ST6GALNAC3: variants seen among roughly 807,000 people sequenced by gnomAD.
ST6GALNAC3 encodes the protein ST6 N-acetylgalactosaminide alpha-2,6-sialyltransferase 3.
Under a neutral mutation model 32.7 loss-of-function variants are expected in ST6GALNAC3, and 25 were observed. The observed-to-expected ratio is 0.76, with a 90% CI of 0.56 to 1.07. The LOEUF (loss-of-function observed/expected upper bound fraction) is 1.07, where lower values mean the gene tolerates loss of function less well. ST6GALNAC3 is among the 50% of genes least tolerant of loss of function. The pLI, the probability that ST6GALNAC3 is intolerant of heterozygous loss-of-function variation, is 0.00. For synonymous variants in ST6GALNAC3, 129 were observed against 133.1 expected (o/e 0.97, Z 0.21); for missense variants, 355 against 382.4 (o/e 0.93, Z 0.60).
At chr1:76,430,810 T>G (rs1378562164) in intron 3 of ST6GALNAC3, among the ~76,000 whole-genome samples, 1 of 152,126 alleles carries the variant, frequency 6.6e-6, no homozygotes, top group African/African-American at 2.4e-5. Flanking sequence ...TAACAAATAT[T>G]TTTTTATGAG....
At chr1:76,578,988 A>G (rs146492161) in intron 3 of ST6GALNAC3, among the ~76,000 whole-genome samples, 10 of 152,116 alleles carry the variant, frequency 6.6e-5, no homozygotes, top group Non-Finnish European at 1.3e-4. Context: ...TTCTATTTTC[A>G]TTCTGTCGTG....
At chr1:76,190,411 T>C (rs914242792) in intron 1 of ST6GALNAC3, among the ~76,000 whole-genome samples, 4 of 152,218 alleles carry the variant, frequency 2.6e-5, no homozygotes, top group African/African-American at 4.8e-5. Flanking sequence ...TACGCCCAGA[T>C]GCTGGAAGGA....
intron 1 of ST6GALNAC3, among the ~76,000 whole-genome samples, chr1:76,287,171 G>C (rs571167427): frequency 2.0e-5 from 3 of 152,270 alleles, no homozygotes; most frequent in Non-Finnish European, 4.4e-5. Context: ...TCTTGAAGAG[G>C]AACTGTGTTC....
intron 3 of ST6GALNAC3, among the ~76,000 whole-genome samples, chr1:76,543,953 G>A (rs2100307770): frequency 6.6e-6 from 1 of 152,006 alleles, no homozygotes; most frequent in African/African-American, 2.4e-5. Context: ...TATTTATTGA[G>A]CACATACTAT....
At chr1:76,218,630 T>C (rs539508042) in intron 1 of ST6GALNAC3, among the ~76,000 whole-genome samples, 52 of 152,332 alleles carry the variant, frequency 3.4e-4, no homozygotes, top group African/African-American at 1.2e-3. Context: ...TATATCAACA[T>C]TTATCTGCTT....
Position 76,322,473 on chromosome 1 carries a change from T to G in ST6GALNAC3, c.213+8474T>G, listed in dbSNP as rs570170671. The stretch of plus-strand genomic sequence containing the variant: ...AATACCACCTAGAAGGTGTTTGCAT[T>G]GCAGCCTGTAATGATGATGGCTGAG... On this transcript the variant is annotated intron_variant, in intron 2 of 4. Transcript: ENST00000328299. 3.3e-5 allele frequency among the ~76,000 whole-genome samples: 5 copies of G among 152,298 alleles called. 1 individual carries two copies. In the South Asian group the frequency reaches 8.3e-4, roughly 25 times the overall value.
intron 3 of ST6GALNAC3, among the ~76,000 whole-genome samples, chr1:76,520,236 G>A (rs1662428833): frequency 6.6e-6 from 1 of 152,042 alleles, no homozygotes; most frequent in Non-Finnish European, 1.5e-5. Flanking sequence ...ACAGGTACTA[G>A]TAACAGGAGC....
intron 3 of ST6GALNAC3, among the ~76,000 whole-genome samples, chr1:76,556,150 T>G (rs1664910266): frequency 6.6e-6 from 1 of 152,114 alleles, no homozygotes; most frequent in Admixed American, 6.6e-5. Context: ...GTGTCCAGCT[T>G]CTTTCATTAA....
Position 76,197,100 on chromosome 1 carries a change from A to G in ST6GALNAC3, c.19-116705A>G, listed in dbSNP as rs1654248623. Among the ~76,000 whole-genome samples the G allele has an allele frequency of 2.0e-5, 3 of 152,334 alleles. No homozygotes were observed. The South Asian group carries it at 6.2e-4, about 32-fold the overall frequency. On this transcript the variant is annotated intron_variant, in intron 1 of 4. Coordinates refer to ENST00000328299, the MANE Select transcript of ST6GALNAC3 (RefSeq NM_152996.4). ...ATTTGCCAACAGTTTTACTCACCTG[A>G]ACAATTTTCACTGGCTCTAAGCTCC...
intron 3 of ST6GALNAC3, among the ~76,000 whole-genome samples, chr1:76,416,920 C>G (rs952673288): frequency 1.3e-5 from 2 of 151,970 alleles, no homozygotes; most frequent in South Asian, 4.1e-4. Context: ...GCCACCACGC[C>G]CGGCCAGCAT....
At chr1:76,408,537 A>G (rs549364860) in intron 2 of ST6GALNAC3, among the ~76,000 whole-genome samples, 11 of 152,114 alleles carry the variant, frequency 7.2e-5, no homozygotes, top group African/African-American at 2.6e-4. Context: ...CTGACCTCAT[A>G]ATCTGCACAG....
chr1:76,356,425 C>G lies in ST6GALNAC3; in HGVS notation c.213+42426C>G, dbSNP rs1020765136. On this transcript the variant is annotated intron_variant, in intron 2 of 4. Transcript: ENST00000328299. ...TAGACTCTGGTGATATAGCAATGAA[C>G]AGTAGGGTTAAAAAAAAAAAAAAAA... Among the ~76,000 whole-genome samples the G allele has an allele frequency of 1.7e-3, 144 of 85,550 alleles. 1 individual carries two copies. Among genetic ancestry groups the G allele is most frequent in the Non-Finnish European group, 1.9e-3 (92 of 47,212 alleles). 56.1% of individuals were successfully genotyped at this position (85,550 alleles called of 152,430 possible). A position where few individuals can be genotyped will look rare whatever the true frequency, so the allele number is the denominator to read the frequency against.
In ST6GALNAC3 at chr1:76,586,613, A is replaced by G. The variant is rs557838553; in HGVS notation, c.624-40839A>G. Among the ~76,000 whole-genome samples, 9 of 152,276 alleles carry G rather than the reference A, an allele frequency of 5.9e-5. No individual in the cohort carries two copies. The East Asian group carries it at 1.7e-3, about 29-fold the overall frequency. On this transcript the variant is annotated intron_variant, in intron 3 of 4. Coordinates refer to ENST00000328299, the MANE Select transcript of ST6GALNAC3 (RefSeq NM_152996.4). ...ATTTTAAACTCAGGTTAAAGTAAGG[A>G]TTTTAGATTTATGTAAGCCTGGTGC...
intron 3 of ST6GALNAC3, among the ~76,000 whole-genome samples, chr1:76,475,337 A>T (rs1659283273): frequency 6.6e-6 from 1 of 152,080 alleles, no homozygotes; most frequent in Non-Finnish European, 1.5e-5. Flanking sequence ...ACTCCTAAAA[A>T]CCTCAGTCAC....
chr1:76,585,159 C>G (rs538514879), intron 3 of ST6GALNAC3, among the ~76,000 whole-genome samples: 1 of 152,048 alleles, frequency 6.6e-6, no homozygotes, highest in African/African-American at 2.4e-5. Flanking sequence ...CCGAGGCAGG[C>G]GGATCACCTG....
chr1:76,152,870 G>T (rs888639099), intron 1 of ST6GALNAC3, among the ~76,000 whole-genome samples: 1 of 152,134 alleles, frequency 6.6e-6, no homozygotes, highest in Non-Finnish European at 1.5e-5. Flanking sequence ...GCCTTTTGGT[G>T]GTTGAATTCT....
chr1:76,454,864 C>G (rs933724805), intron 3 of ST6GALNAC3, among the ~76,000 whole-genome samples: 1 of 151,758 alleles, frequency 6.6e-6, no homozygotes, highest in Non-Finnish European at 1.5e-5. Flanking sequence ...TATGGAGTCT[C>G]TAATTCATTT....
chr1:76,284,501 A>G (rs986105937), intron 1 of ST6GALNAC3, among the ~76,000 whole-genome samples: 1 of 152,200 alleles, frequency 6.6e-6, no homozygotes, highest in African/African-American at 2.4e-5. Context: ...AATTAGCAAC[A>G]TTAAGATAAA....
chr1:76,327,748 C>G (rs1246248938), intron 2 of ST6GALNAC3, among the ~76,000 whole-genome samples: 1 of 152,084 alleles, frequency 6.6e-6, no homozygotes, highest in African/African-American at 2.4e-5. Flanking sequence ...TACCACCATG[C>G]CTGGCTAATT....
Sources: allele counts gnomAD v4.1 joint callset (sites outside exome capture counted in the v4.1 genomes callset), GRCh38; gene constraint gnomAD v4.1.1; transcripts MANE v1.5; gene names NCBI Gene and HGNC (gene_info 2026-07-23, HGNC 2026-07-21).